SHROOM3: variants seen among roughly 807,000 people sequenced by gnomAD.
The protein encoded by SHROOM3 is protein Shroom3.
SHROOM3 carries 47 observed loss-of-function variants against 138.6 expected under a neutral mutation model. The ratio of observed to expected loss-of-function variants is 0.34; its 90% CI spans 0.27 to 0.43. The LOEUF is 0.43. Ranked by LOEUF, SHROOM3 falls within the 20% of genes least tolerant of loss-of-function variation. The pLI is 1.00. For missense variants in SHROOM3, 2,491 were observed against 2,596.5 expected, an observed-to-expected ratio of 0.96 and a Z score of 0.88; for synonymous variants, 1,062 against 1,063.3, an observed-to-expected ratio of 1.00 and a Z score of 0.02.
At chr4:76,712,721 T>C (rs564467177) in intron 3 of SHROOM3, among the ~76,000 whole-genome samples, 8 of 152,356 alleles carry the variant, frequency 5.3e-5, no homozygotes, top group African/African-American at 1.9e-4. Context: ...TTTACATGTA[T>C]GTGTCATATC....
At chr4:76,670,784 C>T (rs964854632) in intron 2 of SHROOM3, among the ~76,000 whole-genome samples, 2 of 151,992 alleles carry the variant, frequency 1.3e-5, no homozygotes, top group Non-Finnish European at 2.9e-5. Flanking sequence ...AAAACCCTCT[C>T]TCTACTAAAC....
At chr4:76,757,104 T>A in intron 8 of SHROOM3, 167 bp downstream of exon 8, 1 of 996,546 alleles carries the variant, frequency 1.0e-6, no homozygotes, top group Non-Finnish European at 1.5e-6. Flanking sequence ...AGTGAGGATG[T>A]GGGACAGATA....
At chr4:76,572,515 G>C (rs1733852839) in intron 2 of SHROOM3, among the ~76,000 whole-genome samples, 1 of 152,200 alleles carries the variant, frequency 6.6e-6, no homozygotes, top group Non-Finnish European at 1.5e-5. Flanking sequence ...ATGATGGTGG[G>C]CCAGGGAGGT....
intron 5 of SHROOM3, among the ~76,000 whole-genome samples, chr4:76,747,109 C>T (rs1039585461): frequency 5.0e-4 from 76 of 152,074 alleles, no homozygotes; most frequent in African/African-American, 1.8e-3. Context: ...TGAGCCACCG[C>T]GCCCGACCAA....
intron 1 of SHROOM3, among the ~76,000 whole-genome samples, chr4:76,520,076 A>C (rs775668240): frequency 2.6e-5 from 4 of 152,224 alleles, no homozygotes; most frequent in African/African-American, 4.8e-5. Flanking sequence ...AGTGGAACTG[A>C]ATACTCCAGT....
intron 3 of SHROOM3, among the ~76,000 whole-genome samples, chr4:76,720,866 T>G (rs930031730): frequency 6.6e-6 from 1 of 151,494 alleles, no homozygotes; most frequent in Non-Finnish European, 1.5e-5. Context: ...CACCTCGGCC[T>G]CCCAAAGTGC....
rs755245838 is a variant in SHROOM3 at position 76,779,015 on chromosome 4, G to T, written c.5829G>T (p.Lys1943Asn). The change falls in exon 11 of 11, where the codon AAG (lysine) becomes AAT (asparagine). Residue 1943 changes from lysine (K) to asparagine (N), a missense_variant. By Grantham distance (94) the Lys-to-Asn change is moderately conservative. Around this residue, in one of 4 missense-constraint regions of SHROOM3, gnomAD observed 470 missense variants for 595.0 expected, o/e 0.79. Transcript: ENST00000296043. ...AACGGAAGCTGGATGACAAGATCAA[G>T]CTGGGCCAGGAGCAGGTCAAGTGTC... ...IEQRKLDDKI[K>N]LGQEQVKCLL... The T allele has an allele frequency of 1.2e-6, 2 of 1,614,244 alleles. No homozygotes were observed. The highest frequency in any genetic ancestry group is 2.2e-5 in the South Asian group (2 of 91,084).
intron 1 of SHROOM3, among the ~76,000 whole-genome samples, chr4:76,485,609 A>T (rs551931980): frequency 6.6e-6 from 1 of 152,194 alleles, no homozygotes; most frequent in South Asian, 2.1e-4. Flanking sequence ...ATATCAGACT[A>T]TTAAAGGCAG....
chr4:76,762,284 G>A (rs1267406692), intron 9 of SHROOM3, among the ~76,000 whole-genome samples: 2 of 152,202 alleles, frequency 1.3e-5, no homozygotes, highest in East Asian at 3.8e-4. Flanking sequence ...TAACAGAGAA[G>A]TGTTTAAGGC....
chr4:76,774,790 T>C (rs1350983376), intron 10 of SHROOM3, among the ~76,000 whole-genome samples: 6 of 151,534 alleles, frequency 4.0e-5, no homozygotes. Context: ...CCTGTAATTC[T>C]TCACTTTTCC....
chr4:76,761,889 G>A (rs1003298353), intron 9 of SHROOM3, among the ~76,000 whole-genome samples: 4 of 152,134 alleles, frequency 2.6e-5, no homozygotes, highest in East Asian at 1.9e-4. Context: ...CACCTAGCAC[G>A]TGCTCAATAA....
At chr4:76,462,252 G>T (rs1338601773) in intron 1 of SHROOM3, among the ~76,000 whole-genome samples, 1 of 151,978 alleles carries the variant, frequency 6.6e-6, no homozygotes, top group Non-Finnish European at 1.5e-5. Context: ...CACACCTGTA[G>T]TCCCAGCTAC....
chr4:76,690,197 A>T (rs1719480679), intron 2 of SHROOM3, among the ~76,000 whole-genome samples: 1 of 152,140 alleles, frequency 6.6e-6, no homozygotes, highest in Non-Finnish European at 1.5e-5. Context: ...CTGCAGCAAC[A>T]CTTAAATCAT....
At chr4:76,724,669 T>A (rs1171909664) in intron 3 of SHROOM3, among the ~76,000 whole-genome samples, 1 of 152,234 alleles carries the variant, frequency 6.6e-6, no homozygotes, top group Admixed American at 6.5e-5. Flanking sequence ...ACATGTGATT[T>A]TCCCCACATA....
intron 7 of SHROOM3, among the ~76,000 whole-genome samples, chr4:76,755,430 G>T (rs755981864): frequency 5.3e-5 from 8 of 152,304 alleles, no homozygotes; most frequent in Non-Finnish European, 1.0e-4. Context: ...TTTCACTTCT[G>T]GGGACAGGAT....
rs201625513 is a variant in SHROOM3 at position 76,606,005 on chromosome 4, A to T, written c.323+50242A>T. On this transcript the variant is annotated intron_variant, in intron 2 of 10. Coordinates refer to ENST00000296043, the MANE Select transcript of SHROOM3 (RefSeq NM_020859.4). ...CACACACACACATATATATATATAT[A>T]TATTTTTTTTTTTTTTTTTTTTTTT... Among the ~76,000 whole-genome samples the T allele has an allele frequency of 3.4e-3, 352 of 102,868 alleles. 5 individuals carry two copies. Among genetic ancestry groups the T allele is most frequent in the Admixed American group, 0.019 (170 of 8,922 alleles). 67.5% of individuals were successfully genotyped at this position (102,868 alleles called of 152,430 possible).
At chr4:76,706,448 A>G (rs1720058804) in intron 2 of SHROOM3, among the ~76,000 whole-genome samples, 1 of 152,160 alleles carries the variant, frequency 6.6e-6, no homozygotes, top group African/African-American at 2.4e-5. Flanking sequence ...AATCATAAGG[A>G]AGAGAAAATA....
chr4:76,516,789 T>C (rs1732453157), intron 1 of SHROOM3, among the ~76,000 whole-genome samples: 1 of 152,172 alleles, frequency 6.6e-6, no homozygotes, highest in African/African-American at 2.4e-5. Context: ...TTATAGCTGC[T>C]ACCTCCAATC....
intron 2 of SHROOM3, among the ~76,000 whole-genome samples, chr4:76,656,539 G>C (rs888805438): frequency 1.3e-5 from 2 of 152,062 alleles, no homozygotes; most frequent in African/African-American, 4.8e-5. Context: ...TCACTGAGTT[G>C]CATGGCACCT....
Sources: allele counts gnomAD v4.1 joint callset (sites outside exome capture counted in the v4.1 genomes callset), GRCh38; gene constraint gnomAD v4.1.1; regional missense constraint gnomAD v4.1.1; transcripts MANE v1.5; gene names NCBI Gene and HGNC (gene_info 2026-07-23, HGNC 2026-07-21).